The following MAP4K3 variants were observed in gnomAD, a reference collection of about 807,000 sequenced individuals.
MAP4K3 encodes MAPK/ERK kinase kinase kinase 3.
In MAP4K3, 94 loss-of-function variants were observed where a neutral mutation model predicts 143.5. The observed-to-expected ratio is 0.65, with a 90% CI of 0.55 to 0.78. The LOEUF (loss-of-function observed/expected upper bound fraction) is 0.78. Among genes scored for constraint, MAP4K3 ranks in the 30% least tolerant of loss-of-function variants. The pLI is 0.00. For synonymous variants in MAP4K3, 416 were observed against 347.2 expected (o/e 1.20, Z -2.20); for missense variants, 1,077 against 1,068.1 (o/e 1.01, Z -0.12).
intron 2 of MAP4K3, among the ~76,000 whole-genome samples, chr2:39,372,880 C>T (rs1666120754): frequency 6.6e-6 from 1 of 152,050 alleles, no homozygotes; most frequent in South Asian, 2.1e-4. Flanking sequence ...CTGGTGTGGG[C>T]AAAGATTTCT....
chr2:39,357,331 T>C (rs1197780617), intron 2 of MAP4K3, among the ~76,000 whole-genome samples: 1 of 152,222 alleles, frequency 6.6e-6, no homozygotes, highest in African/African-American at 2.4e-5. Context: ...AAGTATTATA[T>C]ACTATGAATA....
chr2:39,350,056 G>A (rs1665408442), intron 3 of MAP4K3, among the ~76,000 whole-genome samples: 1 of 152,154 alleles, frequency 6.6e-6, no homozygotes, highest in Admixed American at 6.5e-5. Flanking sequence ...GGGAAAGGGT[G>A]CTACTGGTAA....
chr2:39,436,446 G>A (rs1038327759), intron 1 of MAP4K3, among the ~76,000 whole-genome samples: 9 of 152,036 alleles, frequency 5.9e-5, no homozygotes, highest in African/African-American at 1.9e-4. Context: ...AACTACCACC[G>A]AGGCCTGGTG....
intron 2 of MAP4K3, among the ~76,000 whole-genome samples, chr2:39,360,086 G>T (rs971581375): frequency 3.3e-5 from 5 of 152,200 alleles, no homozygotes; most frequent in African/African-American, 4.8e-5. Context: ...TTGTTGGGCT[G>T]CAAATTTTCC....
At chr2:39,324,477 C>T (rs11124677) in intron 12 of MAP4K3, among the ~76,000 whole-genome samples, 131,966 of 152,154 alleles carry the variant, frequency 0.87, 57,375 homozygotes, top group Non-Finnish European at 0.89. Context: ...ACTTTACATT[C>T]CTTACATTTT....
At chr2:39,309,552 T>TTA (rs1328033111) in intron 13 of MAP4K3, 33 bp from the exon 14 acceptor site, 13 of 1,011,276 alleles carry the variant, frequency 1.3e-5, no homozygotes, top group Non-Finnish European at 1.5e-5. Context: ...ACCAGGATTT[T>TTA]TTTTTTTTTT....
At chr2:39,351,316 C>G (rs1257549533) in intron 3 of MAP4K3, among the ~76,000 whole-genome samples, 1 of 152,224 alleles carries the variant, frequency 6.6e-6, no homozygotes, top group Non-Finnish European at 1.5e-5. Flanking sequence ...AATCTTTTAA[C>G]ACCCAATATT....
intron 4 of MAP4K3, among the ~76,000 whole-genome samples, 170 bp from the exon 5 acceptor site, chr2:39,337,751 A>ATTTTTTTTT (rs1573169563): frequency 1.2e-5 from 1 of 80,124 alleles, no homozygotes; most frequent in African/African-American, 4.2e-5. Context: ...GCCTGGCTCC[A>ATTTTTTTTT]GTTTTTTTTT....
At chr2:39,285,986 AG>A (rs1681758923) in intron 21 of MAP4K3, among the ~76,000 whole-genome samples, 1 of 152,210 alleles carries the variant, frequency 6.6e-6, no homozygotes, top group East Asian at 1.9e-4. Flanking sequence ...CATTTGTGAT[AG>A]GAGTAGCTGC....
intron 2 of MAP4K3, among the ~76,000 whole-genome samples, chr2:39,360,610 G>A (rs1665740493): frequency 6.6e-6 from 1 of 152,148 alleles, no homozygotes; most frequent in Non-Finnish European, 1.5e-5. Context: ...ACCAAAGACT[G>A]GGTAATTTAT....
Position 39,250,251 on chromosome 2 carries a change from C to G in MAP4K3, c.*367G>C, listed in dbSNP as rs1680096881. The G allele has an allele frequency of 6.1e-6, 1 of 162,968 alleles. No homozygotes were observed. Among genetic ancestry groups the G allele is most frequent in the Admixed American group, 6.4e-5 (1 of 15,646 alleles). The allele number at this position is 162,968 out of a possible 1,614,324, so 10.1% of individuals were successfully genotyped here. A position where few individuals can be genotyped will look rare whatever the true frequency, so the allele number is the denominator to read the frequency against. On this transcript the variant is annotated 3_prime_UTR_variant, in exon 34 of 34. Transcript: ENST00000263881. ...TACTAAAGAATTCTTAAAATATTAA[C>G]CCCAATTGCATTTTCATCAACATTT...
chr2:39,356,015 T>A (rs1665601501), intron 3 of MAP4K3: 2 of 406,592 alleles, frequency 4.9e-6, no homozygotes, highest in Non-Finnish European at 8.7e-6. Flanking sequence ...GTAAGGTTTT[T>A]ACTTGCCAGC....
intron 1 of MAP4K3, among the ~76,000 whole-genome samples, chr2:39,392,183 C>A (rs1294484387): frequency 1.7e-3 from 114 of 69,002 alleles, no homozygotes; most frequent in African/African-American, 2.7e-3. Flanking sequence ...CACTCCTACT[C>A]AAAAAAAAAA....
At chr2:39,404,981 G>C (rs1262665184) in intron 1 of MAP4K3, among the ~76,000 whole-genome samples, 6 of 152,290 alleles carry the variant, frequency 3.9e-5, no homozygotes, top group South Asian at 2.1e-4. Context: ...GACCCACCTG[G>C]GGTCTAGAGG....
intron 26 of MAP4K3, among the ~76,000 whole-genome samples, chr2:39,269,791 T>C (rs907812788): frequency 2.0e-5 from 3 of 152,124 alleles, no homozygotes; most frequent in African/African-American, 7.2e-5. Context: ...ACAATGGCAA[T>C]CTAGAATATT....
chr2:39,331,711 G>A (rs904551193), intron 8 of MAP4K3, among the ~76,000 whole-genome samples: 7 of 152,016 alleles, frequency 4.6e-5, no homozygotes, highest in African/African-American at 1.4e-4. Context: ...AATCATTAAA[G>A]CCTTTTCTCC....
chr2:39,407,918 G>GA (rs1229356257), intron 1 of MAP4K3, among the ~76,000 whole-genome samples: 2 of 151,660 alleles, frequency 1.3e-5, no homozygotes, highest in East Asian at 1.9e-4. Context: ...CCTATTTTGG[G>GA]AAAAAAATGC....
chr2:39,290,408 T>C, intron 18 of MAP4K3, 74 bp from the exon 19 acceptor site: 1 of 940,848 alleles, frequency 1.1e-6, no homozygotes, highest in South Asian at 1.7e-5. Context: ...AATAATTTTT[T>C]CAAAGACACA....
chr2:39,353,853 G>A (rs1418371606), intron 3 of MAP4K3, among the ~76,000 whole-genome samples: 1 of 152,114 alleles, frequency 6.6e-6, no homozygotes, highest in East Asian at 1.9e-4. Flanking sequence ...TAGTTACCCA[G>A]GAAGTACTCA....
Sources: gnomAD v4.1 joint callset for allele counts (sites outside exome capture counted in the v4.1 genomes callset) on GRCh38, gnomAD v4.1.1 for gene constraint, MANE v1.5 for transcripts, NCBI Gene and HGNC (gene_info 2026-07-23, HGNC 2026-07-21) for gene names.